Variants in SH3YL1 observed in about 807,000 individuals in gnomAD.
SH3YL1 encodes the protein SH3 domain-containing YSC84-like protein 1.
SH3YL1 carries 41 observed loss-of-function variants against 45.8 expected under a neutral mutation model. The observed-to-expected ratio is 0.89, with a 90% CI of 0.70 to 1.16. The LOEUF (loss-of-function observed/expected upper bound fraction) is 1.16. Ranked by LOEUF, SH3YL1 falls within the 50% of genes most tolerant of loss-of-function variation. The pLI is 0.00. For missense variants in SH3YL1, 389 were observed against 409.6 expected (o/e 0.95, Z 0.43); for synonymous variants, 152 against 151.4 (o/e 1.00, Z -0.03).
rs548225697 is a variant in SH3YL1 at position 235,828 on chromosome 2, T to A, written c.292-1556A>T. Among the ~76,000 whole-genome samples, 3 of 7,092 alleles carry A rather than the reference T, an allele frequency of 4.2e-4. 1 individual carries two copies. Among genetic ancestry groups the A allele is most frequent in the African/African-American group, 1.3e-3 (3 of 2,268 alleles). The allele number at this position is 7,092 out of a possible 152,430, so 4.7% of individuals were successfully genotyped here. ...GCAGCATGGGCCAGGGGAGGCAGCA[T>A]GGGCCAGGGGAGGCAGCAGCACGGG... On this transcript the variant is annotated intron_variant, in intron 4 of 9. Coordinates refer to ENST00000356150, the MANE Select transcript of SH3YL1 (RefSeq NM_015677.4).
chr2:232,069 T>A (rs1668071759), intron 6 of SH3YL1, among the ~76,000 whole-genome samples: 1 of 152,142 alleles, frequency 6.6e-6, no homozygotes, highest in African/African-American at 2.4e-5. Flanking sequence ...TTCTGCAGGT[T>A]CTGGAAGAAG....
At chr2:222,950 C>T (rs1667637908) in intron 9 of SH3YL1, 1 of 152,214 alleles carries the variant, frequency 6.6e-6, no homozygotes, top group Admixed American at 6.5e-5. Context: ...TTAATGCCTT[C>T]ACAGCTGCGT....
intron 1 of SH3YL1, among the ~76,000 whole-genome samples, chr2:253,536 G>GT (rs1043209658): frequency 6.6e-6 from 1 of 152,182 alleles, no homozygotes; most frequent in Non-Finnish European, 1.5e-5. Flanking sequence ...ACATCAGGAA[G>GT]TTACCCTATA....
rs1176404543 is a variant in SH3YL1, at chr2:242,409, G to A, written c.291+5129C>T. 3.9e-5 allele frequency among the ~76,000 whole-genome samples: 6 copies of A among 151,958 alleles called. 1 individual carries two copies. The highest frequency in any genetic ancestry group is 2.1e-4 in the South Asian group (1 of 4,824). ...AGGAGAAAAAAAACTAGAACCATAT[G>A]AGAGTAATGTTTTTGTATCTTATTA... On this transcript the variant is annotated intron_variant, in intron 4 of 9. Transcript: ENST00000356150.
chr2:258,014 G>A (rs367888038), intron 1 of SH3YL1, among the ~76,000 whole-genome samples: 1 of 152,046 alleles, frequency 6.6e-6, no homozygotes, highest in African/African-American at 2.4e-5. Flanking sequence ...TGTTCTATGA[G>A]TCTGTTTTTG....
In SH3YL1 at chr2:227,317, C is replaced by T. The variant is rs1667826229; in HGVS notation, c.782-2397G>A. On this transcript the variant is annotated intron_variant, in intron 8 of 9. Transcript: ENST00000356150. ...GACCTATTATGTCCACTCCTGGTAA[C>T]TATCTCAAAAAAAATAAAAGTGCCA... Among the ~76,000 whole-genome samples, 3 of 151,708 alleles carry T rather than the reference C, an allele frequency of 2.0e-5. No homozygotes were observed. The South Asian group carries it at 6.2e-4, about 32-fold the overall frequency.
chr2:218,849 T>C lies in SH3YL1; in HGVS notation c.991A>G (p.Thr331Ala). ...ACGTAGTTGGCTGGAAAAATGCCAG[T>C]TTGACCTCGAAGTTTTCCTTCCCAC... ...DWWEGKLRGQ[T>A]GIFPANYVTM... is the part of the protein sequence containing the mutation. Residue 331 changes from threonine to alanine, a missense_variant, in exon 10 of 10, where the codon ACT becomes GCT. Thr to Ala is a moderately conservative substitution (Grantham distance 58, BLOSUM62 0). Coordinates refer to ENST00000356150, the MANE Select transcript of SH3YL1 (RefSeq NM_015677.4). 6.2e-7 allele frequency: 1 copy of C among 1,614,032 alleles called. No individual in the cohort carries two copies. The highest frequency in any genetic ancestry group is 8.5e-7 in the Non-Finnish European group (1 of 1,179,936).
chr2:222,117 A>G (rs1348538007), intron 9 of SH3YL1, among the ~76,000 whole-genome samples: 3 of 152,186 alleles, frequency 2.0e-5, no homozygotes, highest in Non-Finnish European at 4.4e-5. Context: ...TATGCCTTTC[A>G]GCCTTATACT....
At chr2:236,358 T>C (rs1399841011) in intron 4 of SH3YL1, among the ~76,000 whole-genome samples, 2 of 152,124 alleles carry the variant, frequency 1.3e-5, no homozygotes, top group Non-Finnish European at 2.9e-5. Context: ...AACCAGTCTT[T>C]GTGTCTCTGA....
At chr2:246,764 T>C (rs1443033182) in intron 4 of SH3YL1, among the ~76,000 whole-genome samples, 1 of 152,180 alleles carries the variant, frequency 6.6e-6, no homozygotes, top group Non-Finnish European at 1.5e-5. Flanking sequence ...GTTCCTTTTA[T>C]ACTACAAATT....
intron 6 of SH3YL1, among the ~76,000 whole-genome samples, chr2:231,556 T>A (rs933913459): frequency 2.0e-5 from 3 of 152,240 alleles, no homozygotes; most frequent in Non-Finnish European, 2.9e-5. Flanking sequence ...AGGTTTTTAC[T>A]TTTTAAATTT....
chr2:239,559 T>C lies in SH3YL1; in HGVS notation c.292-5287A>G, dbSNP rs1668454710. 2.0e-5 allele frequency: 3 copies of C among 152,214 alleles called. 1 individual carries two copies. The highest frequency in any genetic ancestry group is 6.5e-5 in the Admixed American group (1 of 15,288). The allele number at this position is 152,214 out of a possible 1,614,324, so 9.4% of individuals were successfully genotyped here. A position where few individuals can be genotyped will look rare whatever the true frequency, so the allele number is the denominator to read the frequency against. ...GAAAGGGGGTATTTAAGGACCATTT[T>C]ATTCAACTTAAAAATTTTTTATTTT... On this transcript the variant is annotated intron_variant, in intron 4 of 9. Transcript: ENST00000356150.
intron 8 of SH3YL1, among the ~76,000 whole-genome samples, chr2:227,303 T>A (rs1225211065): frequency 6.6e-6 from 1 of 152,114 alleles, no homozygotes; most frequent in Non-Finnish European, 1.5e-5. Flanking sequence ...ACCTATTATG[T>A]CCACTCCTGG....
rs773735858 is a variant in SH3YL1 at position 219,000 on chromosome 2, G to T, written c.840C>A (p.Gly280=). ...PGLSSYHERV[G]NLNQPIEVTA... ...TCACTTCTATGGGTTGATTCAAATT[G>T]CCTGAAACAAGAAAAAAGTATTCAC... Residue 280 remains glycine (G), a splice_region_variant and synonymous_variant, in exon 10 of 10, where the codon GGC becomes GGA. Transcript: ENST00000356150. The T allele has an allele frequency of 6.2e-7, 1 of 1,600,812 alleles. No individual in the cohort carries two copies. The highest frequency in any genetic ancestry group is 1.1e-5 in the South Asian group (1 of 88,060).
chr2:254,510 G>A lies in SH3YL1; in HGVS notation c.2-1395C>T, dbSNP rs189251665. 4.6e-5 allele frequency among the ~76,000 whole-genome samples: 7 copies of A among 152,318 alleles called. No individual in the cohort carries two copies. In the East Asian group the frequency reaches 1.4e-3, roughly 29 times the overall value. On this transcript the variant is annotated intron_variant, in intron 1 of 9. Transcript: ENST00000356150. The stretch of plus-strand genomic sequence containing the variant: ...ACTGACTGCAGGATGCCAGGATCTG[G>A]AAGGTTGAAGGCATTCATTTCCACT...
intron 1 of SH3YL1, chr2:262,654 G>A (rs1162204072): frequency 3.1e-6 from 4 of 1,304,268 alleles, no homozygotes; most frequent in Non-Finnish European, 4.0e-6. Context: ...GGCGTGCACA[G>A]GGACTTGTGA....
At chr2:224,607 G>A (rs554213372) in intron 9 of SH3YL1, among the ~76,000 whole-genome samples, 7 of 151,704 alleles carry the variant, frequency 4.6e-5, no homozygotes, top group South Asian at 2.1e-4. Flanking sequence ...GCTTAGCAGC[G>A]CTGTCCCCAG....
At chr2:254,997 T>C (rs946488170) in intron 1 of SH3YL1, among the ~76,000 whole-genome samples, 6 of 152,222 alleles carry the variant, frequency 3.9e-5, no homozygotes, top group African/African-American at 1.4e-4. Context: ...ATCTAATCAA[T>C]CTTACATATA....
At chr2:262,510 T>C in intron 1 of SH3YL1, 1 of 1,130,846 alleles carries the variant, frequency 8.8e-7, no homozygotes, top group Non-Finnish European at 1.2e-6. Flanking sequence ...GTTCCACACA[T>C]GCCACACTGG....
Sources: allele counts gnomAD v4.1 joint callset (sites outside exome capture counted in the v4.1 genomes callset), GRCh38; gene constraint gnomAD v4.1.1; transcripts MANE v1.5; gene names NCBI Gene and HGNC (gene_info 2026-07-23, HGNC 2026-07-21).